The following UBASH3A variants were observed in gnomAD, a reference collection of about 807,000 sequenced individuals.
The protein encoded by UBASH3A is ubiquitin-associated and SH3 domain-containing protein A.
Under a neutral mutation model 73.5 loss-of-function variants are expected in UBASH3A, and 63 were observed. The observed-to-expected ratio is 0.86, with a 90% CI of 0.70 to 1.06. The LOEUF is 1.06. Ranked by LOEUF, UBASH3A falls within the 50% of genes least tolerant of loss-of-function variation. The pLI, the probability that UBASH3A is intolerant of heterozygous loss-of-function variation, is 0.00. For synonymous variants in UBASH3A, 363 were observed against 351.1 expected (o/e 1.03, Z -0.38); for missense variants, 860 against 859.0 (o/e 1.00, Z -0.02).
chr21:42,432,215 C>T lies in UBASH3A; in HGVS notation c.1270+13C>T. ...TCCACTCCTGATGGTAGGTCACACTCAGGCGGGTCTACGGACAGAAACACT... is the reference window on the plus strand; with the variant it reads ...TCCACTCCTGATGGTAGGTCACACTTAGGCGGGTCTACGGACAGAAACACT... On this transcript the variant is annotated intron_variant, in intron 9 of 14. Transcript: ENST00000319294. The T allele has an allele frequency of 6.3e-7, 1 of 1,586,608 alleles. No individual in the cohort carries two copies. The highest frequency in any genetic ancestry group is 8.6e-7 in the Non-Finnish European group (1 of 1,156,198).
At position 42,447,481 on chromosome 21, in the gene UBASH3A, A is replaced by G. The variant is rs1403191597; in HGVS notation, c.*287A>G. The stretch of plus-strand genomic sequence containing the variant: ...ACCGAGTGTCTGCAGCTGGGGACAC[A>G]ACTGCCCGGGACTCTAACTTCCAGG... On this transcript the variant is annotated 3_prime_UTR_variant, in exon 15 of 15. Transcript: ENST00000319294. 1 of 308,272 alleles carries G rather than the reference A, an allele frequency of 3.2e-6. No homozygotes were observed. Among genetic ancestry groups the G allele is most frequent in the African/African-American group, 2.2e-5 (1 of 46,122 alleles). The allele number at this position is 308,272 out of a possible 1,614,324, so 19.1% of individuals were successfully genotyped here.
intron 3 of UBASH3A, chr21:42,410,286 C>T (rs2053063294): frequency 1.6e-6 from 1 of 641,960 alleles, no homozygotes; most frequent in Non-Finnish European, 2.8e-6. Flanking sequence ...CTCTACTCAG[C>T]TCCGCCAGAG....
chr21:42,416,220 C>A (rs1298397895), intron 5 of UBASH3A, among the ~76,000 whole-genome samples: 1 of 152,084 alleles, frequency 6.6e-6, no homozygotes, highest in Non-Finnish European at 1.5e-5. Flanking sequence ...AACCGATAGG[C>A]CCCCGAGACC....
intron 5 of UBASH3A, among the ~76,000 whole-genome samples, chr21:42,416,024 A>T (rs180846991): frequency 6.6e-6 from 1 of 152,154 alleles, no homozygotes; most frequent in Non-Finnish European, 1.5e-5. Flanking sequence ...CCTTAAAGAC[A>T]CTGTGTGTTT....
chr21:42,440,752 G>A (rs2053726371), intron 11 of UBASH3A, among the ~76,000 whole-genome samples: 1 of 152,030 alleles, frequency 6.6e-6, no homozygotes, highest in African/African-American at 2.4e-5. Flanking sequence ...CCCTTCTAGT[G>A]AAAACCTTCG....
chr21:42,441,900 G>A (rs2053752788), intron 11 of UBASH3A, among the ~76,000 whole-genome samples: 1 of 152,164 alleles, frequency 6.6e-6, no homozygotes, highest in South Asian at 2.1e-4. Flanking sequence ...CTTACTTTAT[G>A]GCTCTTCCTT....
At position 42,445,773 on chromosome 21, in the gene UBASH3A, A is replaced by G. The variant is rs138027571; in HGVS notation, c.1848+1130A>G. On this transcript the variant is annotated intron_variant, in intron 14 of 14. Transcript: ENST00000319294. ...AATGTCTCCAGGGTGGTGTGTCCCA[A>G]TTATGATCCAGACATTTCCGAGCGC... Among the ~76,000 whole-genome samples the G allele has an allele frequency of 3.0e-4, 46 of 152,252 alleles. No individual in the cohort carries two copies. The East Asian group carries it at 8.5e-3, about 28-fold the overall frequency.
At chr21:42,446,289 A>AG (rs769920684) in intron 14 of UBASH3A, among the ~76,000 whole-genome samples, 4 of 152,094 alleles carry the variant, frequency 2.6e-5, no homozygotes, top group Admixed American at 2.0e-4. Flanking sequence ...GAAAATACAA[A>AG]GGGGGGGCTC....
intron 14 of UBASH3A, among the ~76,000 whole-genome samples, chr21:42,446,147 C>A (rs2053840545): frequency 6.6e-6 from 1 of 152,362 alleles, no homozygotes; most frequent in South Asian, 2.1e-4. Flanking sequence ...GCTCCACCCA[C>A]TCCTTGGACC....
chr21:42,424,931 A>G (rs2053407944), intron 7 of UBASH3A, among the ~76,000 whole-genome samples: 1 of 152,116 alleles, frequency 6.6e-6, no homozygotes. Flanking sequence ...AAACGAGGAG[A>G]AGTACCTGTC....
At chr21:42,429,366 C>T (rs1177255270) in intron 8 of UBASH3A, among the ~76,000 whole-genome samples, 1 of 152,220 alleles carries the variant, frequency 6.6e-6, no homozygotes, top group Non-Finnish European at 1.5e-5. Flanking sequence ...AGCCCTGCCT[C>T]ATTCCATAGA....
chr21:42,426,009 G>T lies in UBASH3A; in HGVS notation c.1047-688G>T, dbSNP rs186240534. On this transcript the variant is annotated intron_variant, in intron 7 of 14. Coordinates refer to ENST00000319294, the MANE Select transcript of UBASH3A (RefSeq NM_018961.4). Reference sequence around the variant, plus strand: ...TGACCGAGAGAGAAAGAGAGAGAGAGATCTAGTTGAAGGAATTGGTTCAAG... The same window carrying T: ...TGACCGAGAGAGAAAGAGAGAGAGATATCTAGTTGAAGGAATTGGTTCAAG... Among the ~76,000 whole-genome samples the T allele has an allele frequency of 2.5e-3, 381 of 152,196 alleles. 3 individuals carry two copies. Among genetic ancestry groups the T allele is most frequent in the African/African-American group, 8.7e-3 (360 of 41,516 alleles).
intron 9 of UBASH3A, 52 bp downstream of exon 9, chr21:42,432,254 A>G (rs1223955720): frequency 6.7e-6 from 8 of 1,191,706 alleles, no homozygotes; most frequent in Non-Finnish European, 9.9e-6. Flanking sequence ...GATCTAACCA[A>G]TGAGATCTCC....
intron 7 of UBASH3A, among the ~76,000 whole-genome samples, chr21:42,423,426 G>A (rs1230022287): frequency 1.3e-5 from 2 of 152,218 alleles, no homozygotes; most frequent in African/African-American, 4.8e-5. Flanking sequence ...GGAAGCTCTT[G>A]CTTTCTTGCA....
chr21:42,429,326 T>C (rs1255635404), intron 8 of UBASH3A, among the ~76,000 whole-genome samples: 1 of 152,170 alleles, frequency 6.6e-6, no homozygotes, highest in Non-Finnish European at 1.5e-5. Context: ...AGGACACCAA[T>C]GCAGCACCTT....
At position 42,432,136 on chromosome 21, in the gene UBASH3A, C is replaced by T. The variant is rs1204872466; in HGVS notation, c.1204C>T (p.Arg402Cys). 5.6e-6 allele frequency: 9 copies of T among 1,613,518 alleles called. No individual in the cohort carries two copies. Among genetic ancestry groups the T allele is most frequent in the Middle Eastern group, 1.6e-4 (1 of 6,062 alleles). ...TGCAAGGAAGAGCGTGCTGGTGGTT[C>T]GCCACGGGGAGAGAGTGGATCAGAT... is the stretch of plus-strand genomic sequence containing the variant. ...TVARKSVLVVRHGERVDQIFG... is the reference protein window; with the variant it reads ...TVARKSVLVVCHGERVDQIFG... The change falls in exon 9 of 15, where the codon CGC becomes TGC. Residue 402 changes from arginine to cysteine, a missense_variant. By Grantham distance (180) the Arg-to-Cys change is radical. Transcript: ENST00000319294.
intron 10 of UBASH3A, chr21:42,435,160 T>G: frequency 2.1e-6 from 1 of 478,026 alleles, no homozygotes; most frequent in Non-Finnish European, 3.6e-6. Flanking sequence ...AGAGGTTTGA[T>G]CTAGGAATGG....
chr21:42,420,686 G>A (rs2053320762), intron 7 of UBASH3A, among the ~76,000 whole-genome samples: 1 of 152,222 alleles, frequency 6.6e-6, no homozygotes, highest in Non-Finnish European at 1.5e-5. Flanking sequence ...ACATGTGGCA[G>A]TTGGAAGGAC....
intron 8 of UBASH3A, among the ~76,000 whole-genome samples, chr21:42,430,116 C>T (rs2053503351): frequency 6.6e-6 from 1 of 152,172 alleles, no homozygotes; most frequent in Non-Finnish European, 1.5e-5. Flanking sequence ...AATTGGCCCC[C>T]ACCCTACTTT....
Sources: allele counts gnomAD v4.1 joint callset (sites outside exome capture counted in the v4.1 genomes callset), GRCh38; gene constraint gnomAD v4.1.1; transcripts MANE v1.5; gene names NCBI Gene and HGNC (gene_info 2026-07-23, HGNC 2026-07-21).